ZMIZ1: variants seen among roughly 807,000 people sequenced by gnomAD.
ZMIZ1 encodes the protein zinc finger MIZ domain-containing protein 1.
Under a neutral mutation model 113.9 loss-of-function variants are expected in ZMIZ1, and 17 were observed. The ratio of observed to expected loss-of-function variants is 0.15; its 90% CI spans 0.10 to 0.22. The LOEUF (loss-of-function observed/expected upper bound fraction) is 0.22, where lower values mean the gene tolerates loss of function less well. Ranked by LOEUF, ZMIZ1 falls within the 10% of genes least tolerant of loss-of-function variation. The pLI is 1.00. For synonymous variants in ZMIZ1, 607 were observed against 603.1 expected, an observed-to-expected ratio of 1.01 and a Z score of -0.09; for missense variants, 1,059 against 1,477.8, an observed-to-expected ratio of 0.72 and a Z score of 4.65.
chr10:79,301,654 C>T (rs117768204), intron 17 of ZMIZ1, among the ~76,000 whole-genome samples: 2 of 152,294 alleles, frequency 1.3e-5, no homozygotes, highest in East Asian at 3.9e-4. Flanking sequence ...GGCAGCACAT[C>T]CCATTCTGGC....
At chr10:79,214,700 C>T (rs1848651018) in intron 6 of ZMIZ1, among the ~76,000 whole-genome samples, 1 of 152,214 alleles carries the variant, frequency 6.6e-6, no homozygotes, top group African/African-American at 2.4e-5. Context: ...GGCTTGGCAG[C>T]AGAGTCCCCC....
chr10:79,168,720 C>T (rs1846471588), intron 4 of ZMIZ1, among the ~76,000 whole-genome samples: 1 of 152,210 alleles, frequency 6.6e-6, no homozygotes, highest in African/African-American at 2.4e-5. Context: ...CAGCCCTGCT[C>T]CCTGGGTATC....
intron 24 of ZMIZ1, 133 bp from the exon 25 acceptor site, chr10:79,312,509 C>T (rs1349453401): frequency 3.9e-5 from 35 of 906,306 alleles, no homozygotes; most frequent in Non-Finnish European, 6.2e-5. Flanking sequence ...CAAGGCTGTT[C>T]TCTACCCCTT....
intron 1 of ZMIZ1, among the ~76,000 whole-genome samples, chr10:79,075,671 C>T (rs1842449986): frequency 1.3e-5 from 2 of 152,238 alleles, no homozygotes; most frequent in African/African-American, 4.8e-5. Flanking sequence ...TGCCAGGACT[C>T]CGGCTGCCTG....
chr10:79,165,951 TG>T (rs1846310641), intron 4 of ZMIZ1, among the ~76,000 whole-genome samples: 1 of 15,238 alleles, frequency 6.6e-5, no homozygotes, highest in Non-Finnish European at 1.6e-4. Flanking sequence ...AGCTCAGCTG[TG>T]TGTGTGTGTG....
Position 79,189,279 on chromosome 10 carries a change from T to G in ZMIZ1, c.-49-12305T>G, listed in dbSNP as rs192185160. 2.6e-5 allele frequency among the ~76,000 whole-genome samples: 4 copies of G among 152,314 alleles called. No homozygotes were observed. In the East Asian group the frequency reaches 7.7e-4, roughly 29 times the overall value. ...CACCCAGGACTTCTGAGGCGCCCTGTTGAGCTCATGGTATGGTTCCCAGAG... is the reference window on the plus strand; with the variant it reads ...CACCCAGGACTTCTGAGGCGCCCTGGTGAGCTCATGGTATGGTTCCCAGAG... On this transcript the variant is annotated intron_variant, in intron 4 of 24. Coordinates refer to ENST00000334512, the MANE Select transcript of ZMIZ1 (RefSeq NM_020338.4).
intron 1 of ZMIZ1, among the ~76,000 whole-genome samples, chr10:79,084,459 T>A (rs762201379): frequency 2.1e-4 from 32 of 152,228 alleles, no homozygotes; most frequent in African/African-American, 7.0e-4. Context: ...TTCCTGAACT[T>A]GAGGTTGGGG....
chr10:79,244,917 C>A (rs1019544445), intron 7 of ZMIZ1, among the ~76,000 whole-genome samples: 1 of 152,206 alleles, frequency 6.6e-6, no homozygotes, highest in African/African-American at 2.4e-5. Context: ...AGGAAAGGCC[C>A]TGTCCCAGGG....
At chr10:79,240,040 G>A (rs916902654) in intron 7 of ZMIZ1, among the ~76,000 whole-genome samples, 10 of 152,164 alleles carry the variant, frequency 6.6e-5, no homozygotes, top group South Asian at 2.1e-4. Flanking sequence ...ATTTATCGGC[G>A]GCTCCTCCTC....
rs1855117268 is a variant in ZMIZ1 at position 79,311,039 on chromosome 10, C to T, written c.2951C>T (p.Pro984Leu). The T allele has an allele frequency of 1.2e-6, 2 of 1,613,602 alleles. No individual in the cohort carries two copies. Among genetic ancestry groups the T allele is most frequent in the Non-Finnish European group, 1.7e-6 (2 of 1,180,028 alleles). The part of the protein sequence containing the change: ...PPLHHSGAPP[P>L]PPSQPPRQPP... The stretch of plus-strand genomic sequence containing the variant: ...TTACATCACAGTGGGGCTCCTCCTC[C>T]TCCTCCTTCCCAGCCTCCCCGGCAG... Residue 984 changes from proline (P) to leucine (L), a missense_variant, in exon 24 of 25, where the codon CCT becomes CTT. Physicochemically the swap from Pro to Leu is moderately conservative, Grantham distance 98. Around this residue, in one of 6 missense-constraint regions of ZMIZ1, gnomAD observed 225 missense variants for 276.0 expected, o/e 0.82. Transcript: ENST00000334512.
At chr10:79,160,637 C>G (rs1197550175) in intron 3 of ZMIZ1, among the ~76,000 whole-genome samples, 2 of 152,262 alleles carry the variant, frequency 1.3e-5, no homozygotes, top group East Asian at 3.9e-4. Context: ...GATTACTGAG[C>G]CTGCCTCTCA....
Position 79,299,091 on chromosome 10 carries a change from G to T in ZMIZ1, c.1708G>T (p.Asp570Tyr). Residue 570 changes from aspartate to tyrosine, a missense_variant, in exon 16 of 25, where the codon GAT becomes TAT. Transcript: ENST00000334512. ...DELRLTFPVRDGVVLEPFRLE... is the reference protein window; with the variant it reads ...DELRLTFPVRYGVVLEPFRLE... ...GCTGCGGCTCACATTCCCTGTGCGGGATGGCGTGGTGCTGGAGCCCTTCCG... is the reference window on the plus strand; with the variant it reads ...GCTGCGGCTCACATTCCCTGTGCGGTATGGCGTGGTGCTGGAGCCCTTCCG... The T allele has an allele frequency of 6.2e-7, 1 of 1,612,664 alleles. No homozygotes were observed.
chr10:79,292,370 C>T lies in ZMIZ1; in HGVS notation c.957+14C>T. On this transcript the variant is annotated intron_variant, in intron 11 of 24. Coordinates refer to ENST00000334512, the MANE Select transcript of ZMIZ1 (RefSeq NM_020338.4). ...CAGTATGGACCGGTAAGGGTTCCCA[C>T]TAATCCTGGTCCAGCCTTGCCCAGC... 6.3e-7 allele frequency: 1 copy of T among 1,596,594 alleles called. No individual in the cohort carries two copies. Among genetic ancestry groups the T allele is most frequent in the Middle Eastern group, 1.7e-4 (1 of 5,968 alleles).
rs1855414170 is a variant in ZMIZ1, at chr10:79,314,515, CGTGTT to C, written c.*1769_*1773del. On this transcript the variant is annotated 3_prime_UTR_variant, in exon 25 of 25. Coordinates refer to ENST00000334512, the MANE Select transcript of ZMIZ1 (RefSeq NM_020338.4). ...CCGTTGTCGAGGTTTTTTCAAATAG[CGTGTT>C]GTTCAGTATGCAAATCAATTATTTT... The C allele has an allele frequency of 6.2e-6, 2 of 324,948 alleles. No individual in the cohort carries two copies. The highest frequency in any genetic ancestry group is 1.2e-5 in the Non-Finnish European group (2 of 165,198). The allele number at this position is 324,948 out of a possible 1,614,324, so 20.1% of individuals were successfully genotyped here.
chr10:79,249,056 CCT>C (rs2132874543), intron 7 of ZMIZ1, among the ~76,000 whole-genome samples: 1 of 152,294 alleles, frequency 6.6e-6, no homozygotes, highest in South Asian at 2.1e-4. Flanking sequence ...TGGTTCAACC[CCT>C]GTGTGTGGGA....
intron 4 of ZMIZ1, among the ~76,000 whole-genome samples, chr10:79,194,023 T>G (rs1232575831): frequency 6.6e-6 from 1 of 152,234 alleles, no homozygotes; most frequent in African/African-American, 2.4e-5. Context: ...GGATGTCCTC[T>G]GGACCCCTAG....
chr10:79,310,603 G>A (rs1855071394), intron 23 of ZMIZ1, among the ~76,000 whole-genome samples: 2 of 152,044 alleles, frequency 1.3e-5, no homozygotes, highest in African/African-American at 4.8e-5. Flanking sequence ...TTCGTTGTCT[G>A]GGCGGGGAGG....
chr10:79,281,307 G>T (rs919281716), intron 8 of ZMIZ1, among the ~76,000 whole-genome samples: 1 of 152,246 alleles, frequency 6.6e-6, no homozygotes, highest in Non-Finnish European at 1.5e-5. Context: ...AGCAGGGCAG[G>T]ACTAGGGTTC....
At chr10:79,287,921 G>A (rs1048756902) in intron 8 of ZMIZ1, among the ~76,000 whole-genome samples, 2 of 152,234 alleles carry the variant, frequency 1.3e-5, no homozygotes, top group Admixed American at 6.5e-5. Context: ...TAGGACAGTG[G>A]TGGAGTGCTA....
Sources: gnomAD v4.1 joint callset for allele counts (sites outside exome capture counted in the v4.1 genomes callset) on GRCh38, gnomAD v4.1.1 for gene constraint, gnomAD v4.1.1 regional missense constraint, MANE v1.5 for transcripts, NCBI Gene and HGNC (gene_info 2026-07-23, HGNC 2026-07-21) for gene names.